Variants in ROBO2 observed in about 807,000 individuals in gnomAD.
The protein encoded by ROBO2 is roundabout homolog 2.
In ROBO2, 53 loss-of-function variants were observed where a neutral mutation model predicts 160.8. That is an observed-to-expected ratio of 0.33 (90% CI 0.26 to 0.41). ROBO2 has a LOEUF of 0.41. Among genes scored for constraint, ROBO2 ranks in the 10% least tolerant of loss-of-function variants. The pLI, the probability that ROBO2 is intolerant of heterozygous loss-of-function variation, is 1.00. For missense variants in ROBO2, 1,577 were observed against 1,722.4 expected (o/e 0.92, Z 1.49); for synonymous variants, 664 against 611.7 (o/e 1.09, Z -1.26).
chr3:75,985,290 T>TA (rs1030399996), intron 2 of ROBO2, among the ~76,000 whole-genome samples: 1 of 151,506 alleles, frequency 6.6e-6, no homozygotes, highest in African/African-American at 2.4e-5. Context: ...CAAAATAAAA[T>TA]ACACTTAATG....
intron 2 of ROBO2, among the ~76,000 whole-genome samples, chr3:76,053,102 C>T (rs1430454382): frequency 6.6e-6 from 1 of 151,924 alleles, no homozygotes; most frequent in Non-Finnish European, 1.5e-5. Flanking sequence ...TCATGTTGGC[C>T]AGACTATAGG....
chr3:76,366,923 G>T (rs1030727427), intron 2 of ROBO2, among the ~76,000 whole-genome samples: 1 of 151,828 alleles, frequency 6.6e-6, no homozygotes. Context: ...ATAACCAAAA[G>T]CATATTTTGT....
chr3:77,409,781 A>C (rs989119578), intron 2 of ROBO2, among the ~76,000 whole-genome samples: 8 of 152,162 alleles, frequency 5.3e-5, no homozygotes, highest in African/African-American at 1.9e-4. Flanking sequence ...ATGAAGCCCA[A>C]CTGCAATGTG....
rs182512074 is a variant in ROBO2 at position 75,926,063 on chromosome 3, A to T, written c.-13-11418A>T. Among the ~76,000 whole-genome samples the T allele has an allele frequency of 3.3e-5, 5 of 152,334 alleles. No individual in the cohort carries two copies. In the East Asian group the frequency reaches 9.6e-4, roughly 29 times the overall value. On this transcript the variant is annotated intron_variant, in intron 1 of 26. Transcript: ENST00000487694. The stretch of plus-strand genomic sequence containing the variant: ...AACTGCTCACAGTAAAACAGAAAAA[A>T]AATCTGACAAATATGATGGTCCTTA...
chr3:77,286,829 T>G (rs1485520133), intron 2 of ROBO2, among the ~76,000 whole-genome samples: 1 of 152,232 alleles, frequency 6.6e-6, no homozygotes, highest in Non-Finnish European at 1.5e-5. Flanking sequence ...TCCTTATTTG[T>G]TTGTGGCATT....
intron 2 of ROBO2, among the ~76,000 whole-genome samples, chr3:76,948,957 G>A (rs1275117006): frequency 4.6e-5 from 6 of 129,314 alleles, no homozygotes; most frequent in Non-Finnish European, 9.4e-5. Context: ...CACCATGTTG[G>A]CCAAGCTGGT....
In ROBO2 at chr3:76,014,632, T is replaced by C. The variant is rs1356094898; in HGVS notation, c.109+77030T>C. 4.6e-5 allele frequency among the ~76,000 whole-genome samples: 7 copies of C among 152,048 alleles called. No homozygotes were observed. The South Asian group carries it at 1.2e-3, about 27-fold the overall frequency. Reference sequence around the variant, plus strand: ...CATGTAATCCCAGAAGTAATATGTATAAAGGCTATTGGCGACTGGGCACGG... The same window carrying C: ...CATGTAATCCCAGAAGTAATATGTACAAAGGCTATTGGCGACTGGGCACGG... On this transcript the variant is annotated intron_variant, in intron 2 of 26. Transcript: ENST00000487694.
chr3:76,923,528 A>T (rs1401124508), intron 2 of ROBO2, among the ~76,000 whole-genome samples: 1 of 152,236 alleles, frequency 6.6e-6, no homozygotes, highest in Non-Finnish European at 1.5e-5. Context: ...GAACTGAAGG[A>T]TGTGACCACA....
At chr3:75,916,168 A>G (rs1345116823) in intron 1 of ROBO2, among the ~76,000 whole-genome samples, 2 of 152,314 alleles carry the variant, frequency 1.3e-5, no homozygotes, top group Admixed American at 1.3e-4. Flanking sequence ...ATGGTGATTG[A>G]TGCACAGAAT....
intron 4 of ROBO2, among the ~76,000 whole-genome samples, chr3:77,486,578 C>T (rs1359883655): frequency 6.6e-6 from 1 of 152,116 alleles, no homozygotes; most frequent in African/African-American, 2.4e-5. Flanking sequence ...TGAGAAGTGT[C>T]TGTTCAGGCT....
chr3:76,900,552 A>G (rs2075141152), intron 2 of ROBO2, among the ~76,000 whole-genome samples: 1 of 152,182 alleles, frequency 6.6e-6, no homozygotes, highest in African/African-American at 2.4e-5. Context: ...AGTCCTTGAA[A>G]AGGGTAAGAA....
At chr3:77,545,751 A>G (rs1287100305) in intron 6 of ROBO2, among the ~76,000 whole-genome samples, 1 of 152,086 alleles carries the variant, frequency 6.6e-6, no homozygotes, top group African/African-American at 2.4e-5. Context: ...ATTTCAATAC[A>G]TTTATTTATA....
At chr3:76,625,411 A>G (rs551191331) in intron 2 of ROBO2, among the ~76,000 whole-genome samples, 2 of 152,326 alleles carry the variant, frequency 1.3e-5, no homozygotes, top group African/African-American at 4.8e-5. Flanking sequence ...ACTGCAGCAA[A>G]CAACACAGCC....
chr3:76,771,958 A>G (rs1400147358), intron 2 of ROBO2, among the ~76,000 whole-genome samples: 1 of 151,308 alleles, frequency 6.6e-6, no homozygotes, highest in Non-Finnish European at 1.5e-5. Context: ...GTATGGAAAT[A>G]TTGAAGGTAC....
Position 76,234,953 on chromosome 3 carries a change from T to A in ROBO2, c.109+297351T>A, listed in dbSNP as rs147227326. Among the ~76,000 whole-genome samples the A allele has an allele frequency of 3.6e-3, 539 of 150,862 alleles. 7 individuals carry two copies. The highest frequency in any genetic ancestry group is 0.025 in the Admixed American group (377 of 15,086). On this transcript the variant is annotated intron_variant, in intron 2 of 26. Transcript: ENST00000487694. ...TCTCTCTTGTAGCTGATTTAGATGG[T>A]TTAGAAGATAAAAATTTGGACTTTG...
At chr3:77,151,521 T>C (rs984187864) in intron 2 of ROBO2, among the ~76,000 whole-genome samples, 20 of 152,168 alleles carry the variant, frequency 1.3e-4, no homozygotes, top group African/African-American at 4.8e-4. Context: ...TTGTGAATCT[T>C]CTCTTTTTGA....
chr3:76,831,977 T>G (rs2067135109), intron 2 of ROBO2, among the ~76,000 whole-genome samples: 1 of 152,156 alleles, frequency 6.6e-6, no homozygotes, highest in African/African-American at 2.4e-5. Flanking sequence ...TAAAGCAGTT[T>G]ATGAAATTTA....
At chr3:76,801,010 AACAG>A (rs1308754318) in intron 2 of ROBO2, among the ~76,000 whole-genome samples, 1 of 152,206 alleles carries the variant, frequency 6.6e-6, no homozygotes, top group African/African-American at 2.4e-5. Context: ...AGTGTGCATC[AACAG>A]ACAAATGAAT....
At chr3:77,445,785 T>C (rs548522144) in intron 2 of ROBO2, among the ~76,000 whole-genome samples, 801 of 78,220 alleles carry the variant, frequency 0.01, 3 homozygotes, top group Non-Finnish European at 0.014. Flanking sequence ...AATTAAAAGG[T>C]TTTTTTTTGT....
Sources: allele counts gnomAD v4.1 joint callset (sites outside exome capture counted in the v4.1 genomes callset), GRCh38; gene constraint gnomAD v4.1.1; transcripts MANE v1.5; gene names NCBI Gene and HGNC (gene_info 2026-07-23, HGNC 2026-07-21).